IMMP2L: variants seen among roughly 807,000 people sequenced by gnomAD.
The protein encoded by IMMP2L is mitochondrial inner membrane protease subunit 2.
A neutral mutation model predicts 19.3 loss-of-function variants in IMMP2L; 18 were observed. That is an observed-to-expected ratio of 0.93 (90% CI 0.64 to 1.38). The LOEUF is 1.38. Ranked by LOEUF, IMMP2L falls within the 40% of genes most tolerant of loss-of-function variation. The pLI is 0.00. For missense variants in IMMP2L, 233 were observed against 218.2 expected (o/e 1.07, Z -0.43); for synonymous variants, 76 against 73.0 (o/e 1.04, Z -0.21).
intron 3 of IMMP2L, among the ~76,000 whole-genome samples, chr7:110,982,446 T>C (rs1821400317): frequency 6.6e-6 from 1 of 152,098 alleles, no homozygotes; most frequent in African/African-American, 2.4e-5. Context: ...GAAAAAGACA[T>C]AGAGAACATC....
chr7:111,132,218 A>T (rs556655382), intron 3 of IMMP2L, among the ~76,000 whole-genome samples: 1 of 152,142 alleles, frequency 6.6e-6, no homozygotes, highest in African/African-American at 2.4e-5. Context: ...TAAAATAGGA[A>T]TATACATGAA....
intron 3 of IMMP2L, among the ~76,000 whole-genome samples, chr7:111,415,543 C>T (rs1394274832): frequency 6.6e-6 from 1 of 151,730 alleles, no homozygotes; most frequent in African/African-American, 2.4e-5. Flanking sequence ...CCAACGTCAA[C>T]AAAATAGGCT....
At chr7:110,787,987 T>C (rs1800198677) in intron 5 of IMMP2L, among the ~76,000 whole-genome samples, 1 of 151,960 alleles carries the variant, frequency 6.6e-6, no homozygotes, top group African/African-American at 2.4e-5. Flanking sequence ...TTACACTGCA[T>C]GCCTTTCCCT....
intron 3 of IMMP2L, among the ~76,000 whole-genome samples, chr7:110,972,111 A>C (rs1415025562): frequency 6.6e-6 from 1 of 152,096 alleles, no homozygotes; most frequent in Non-Finnish European, 1.5e-5. Flanking sequence ...TCCTTTGAAA[A>C]GGTCAACTTT....
chr7:110,917,930 C>G (rs1374453047), intron 4 of IMMP2L, among the ~76,000 whole-genome samples: 1 of 152,110 alleles, frequency 6.6e-6, no homozygotes, highest in Non-Finnish European at 1.5e-5. Context: ...AAAAATATGT[C>G]AAGAAATTAT....
rs367671688 is a variant in IMMP2L, at chr7:111,496,897, C to CATAGATAGATAGATAG, written c.136-9572_136-9557dup. Among the ~76,000 whole-genome samples the CATAGATAGATAGATAG allele has an allele frequency of 1.8e-3, 268 of 151,562 alleles. 1 individual carries two copies. Among genetic ancestry groups the CATAGATAGATAGATAG allele is most frequent in the African/African-American group, 6.1e-3 (251 of 41,258 alleles). On this transcript the variant is annotated intron_variant, in intron 2 of 5. Coordinates refer to ENST00000405709, the MANE Select transcript of IMMP2L (RefSeq NM_032549.4). ...ATAAATTCCCTCTCATAGATAGATA[C>CATAGATAGATAGATAG]ATAGATAGATAGATAGATAGATAGA... is the stretch of plus-strand genomic sequence containing the variant.
chr7:111,222,496 A>G (rs1812627758), intron 3 of IMMP2L, among the ~76,000 whole-genome samples: 1 of 151,922 alleles, frequency 6.6e-6, no homozygotes, highest in African/African-American at 2.4e-5. Flanking sequence ...AAGCTTAATG[A>G]CCAAAAAGAA....
At chr7:111,407,298 C>T (rs1193927569) in intron 3 of IMMP2L, among the ~76,000 whole-genome samples, 1 of 151,876 alleles carries the variant, frequency 6.6e-6, no homozygotes, top group African/African-American at 2.4e-5. Flanking sequence ...CTCAGCAATA[C>T]CATACCTAGA....
chr7:111,115,301 T>A (rs1208947081), intron 3 of IMMP2L, among the ~76,000 whole-genome samples: 1 of 152,074 alleles, frequency 6.6e-6, no homozygotes, highest in African/African-American at 2.4e-5. Flanking sequence ...AAGTTATGAC[T>A]TAAAATTATC....
intron 5 of IMMP2L, among the ~76,000 whole-genome samples, chr7:110,821,036 C>A (rs1802980608): frequency 6.6e-6 from 1 of 151,880 alleles, no homozygotes; most frequent in Non-Finnish European, 1.5e-5. Context: ...ATGCATCAGC[C>A]ACTGACCTGT....
intron 3 of IMMP2L, among the ~76,000 whole-genome samples, chr7:111,384,885 G>C (rs1187798839): frequency 6.8e-6 from 1 of 148,090 alleles, no homozygotes; most frequent in African/African-American, 2.4e-5. Context: ...TTTCTAACTT[G>C]ATTAATAATG....
intron 3 of IMMP2L, among the ~76,000 whole-genome samples, chr7:111,403,798 T>C (rs1833678811): frequency 6.6e-6 from 1 of 152,168 alleles, no homozygotes; most frequent in Admixed American, 6.5e-5. Flanking sequence ...TGTAATATTG[T>C]TAAAGTTGGG....
intron 2 of IMMP2L, among the ~76,000 whole-genome samples, chr7:111,494,012 T>C (rs1372940177): frequency 1.3e-5 from 2 of 151,450 alleles, no homozygotes; most frequent in Admixed American, 6.6e-5. Context: ...AAAAAAAATA[T>C]AGAGCAAGCA....
intron 3 of IMMP2L, among the ~76,000 whole-genome samples, chr7:111,468,058 T>C (rs1260722688): frequency 2.0e-5 from 3 of 152,084 alleles, no homozygotes; most frequent in Non-Finnish European, 4.4e-5. Flanking sequence ...TATTAGTAAA[T>C]AGGTAACAAT....
At chr7:111,087,460 A>C (rs903287102) in intron 3 of IMMP2L, among the ~76,000 whole-genome samples, 6 of 151,900 alleles carry the variant, frequency 3.9e-5, no homozygotes, top group Non-Finnish European at 8.8e-5. Context: ...AAAAAAGAAA[A>C]AAAAAAAAAA....
chr7:111,465,057 A>T (rs1054510125), intron 3 of IMMP2L, among the ~76,000 whole-genome samples: 1 of 152,036 alleles, frequency 6.6e-6, no homozygotes, highest in East Asian at 1.9e-4. Context: ...GGCCTCCCAA[A>T]GTGCTGGGAT....
At chr7:111,251,249 C>T (rs1163270625) in intron 3 of IMMP2L, among the ~76,000 whole-genome samples, 2 of 152,126 alleles carry the variant, frequency 1.3e-5, no homozygotes, top group East Asian at 3.9e-4. Flanking sequence ...CAAGAAACAA[C>T]AAATGATGGC....
intron 3 of IMMP2L, among the ~76,000 whole-genome samples, chr7:111,306,888 C>T (rs1822937485): frequency 6.6e-6 from 1 of 151,502 alleles, no homozygotes; most frequent in African/African-American, 2.4e-5. Context: ...CAATATATAG[C>T]AACATTATAT....
intron 3 of IMMP2L, among the ~76,000 whole-genome samples, chr7:111,089,479 CTGAAA>C (rs1294197289): frequency 1.3e-5 from 2 of 151,936 alleles, no homozygotes; most frequent in Non-Finnish European, 2.9e-5. Context: ...CCTGCAGATA[CTGAAA>C]TAATTTGGAA....
Sources: allele counts gnomAD v4.1 joint callset (sites outside exome capture counted in the v4.1 genomes callset), GRCh38; gene constraint gnomAD v4.1.1; transcripts MANE v1.5; gene names NCBI Gene and HGNC (gene_info 2026-07-23, HGNC 2026-07-21).